CRISPLD2: variants seen among roughly 807,000 people sequenced by gnomAD.
CRISPLD2 encodes the protein cysteine rich secretory protein LCCL domain containing 2.
A neutral mutation model predicts 71.1 loss-of-function variants in CRISPLD2; 47 were observed. The ratio of observed to expected loss-of-function variants is 0.66; its 90% CI spans 0.52 to 0.84. CRISPLD2 has a LOEUF of 0.84. Among genes scored for constraint, CRISPLD2 ranks in the 40% least tolerant of loss-of-function variants. The probability of loss-of-function intolerance (pLI) is 0.00; values close to 1 mark genes in which losing one functional copy is unlikely to be tolerated. For synonymous variants in CRISPLD2, 317 were observed against 250.1 expected, an observed-to-expected ratio of 1.27 and a Z score of -2.52; for missense variants, 830 against 651.1, an observed-to-expected ratio of 1.27 and a Z score of -2.99.
At chr16:84,885,423 A>G (rs1002064398) in intron 13 of CRISPLD2, among the ~76,000 whole-genome samples, 1 of 152,130 alleles carries the variant, frequency 6.6e-6, no homozygotes, top group Non-Finnish European at 1.5e-5. Context: ...CCAAAGGGGG[A>G]AAATGCGTCC....
chr16:84,848,336 A>G (rs1181711566), intron 3 of CRISPLD2, among the ~76,000 whole-genome samples: 2 of 152,110 alleles, frequency 1.3e-5, no homozygotes, highest in African/African-American at 4.8e-5. Context: ...CGACGACCAC[A>G]TGGCCCTTAA....
chr16:84,826,282 A>G (rs1472094070), intron 1 of CRISPLD2, among the ~76,000 whole-genome samples: 2 of 152,240 alleles, frequency 1.3e-5, no homozygotes, highest in African/African-American at 4.8e-5. Flanking sequence ...AGGCCCCTTA[A>G]GAACAAGTTG....
intron 14 of CRISPLD2, among the ~76,000 whole-genome samples, chr16:84,895,179 G>A (rs962452889): frequency 9.2e-5 from 14 of 152,196 alleles, no homozygotes; most frequent in African/African-American, 3.1e-4. Flanking sequence ...TATCAGTAAA[G>A]GAAGGGAAGC....
chr16:84,831,752 A>G (rs908420870), intron 1 of CRISPLD2, among the ~76,000 whole-genome samples: 13 of 151,902 alleles, frequency 8.6e-5, no homozygotes, highest in African/African-American at 2.4e-4. Context: ...CAAATTTTTT[A>G]TTTTTTGAGT....
chr16:84,826,311 T>C (rs1051988103), intron 1 of CRISPLD2, among the ~76,000 whole-genome samples: 5 of 152,246 alleles, frequency 3.3e-5, no homozygotes, highest in African/African-American at 1.2e-4. Context: ...TTTGGAAGGC[T>C]TTCTTCCAGA....
Position 84,873,132 on chromosome 16 carries a change from C to G in CRISPLD2, c.1112+10C>G, listed in dbSNP as rs1357182742. 5.0e-6 allele frequency: 8 copies of G among 1,608,820 alleles called. No individual in the cohort carries two copies. The highest frequency in any genetic ancestry group is 6.8e-6 in the Non-Finnish European group (8 of 1,178,030). ...GCGTGCAGTCCCTCAGGTAACTACT[C>G]TGTGATCGGGGCTCTGTGAAACGGT... On this transcript the variant is annotated intron_variant, in intron 10 of 14. Transcript: ENST00000262424.
chr16:84,899,735 A>G (rs2071737006), intron 14 of CRISPLD2, among the ~76,000 whole-genome samples: 1 of 152,186 alleles, frequency 6.6e-6, no homozygotes, highest in Admixed American at 6.5e-5. Context: ...CAAGATACCC[A>G]GGGCCCTTGG....
At chr16:84,827,854 G>A (rs1202218900) in intron 1 of CRISPLD2, among the ~76,000 whole-genome samples, 4 of 151,808 alleles carry the variant, frequency 2.6e-5, no homozygotes, top group African/African-American at 7.3e-5. Flanking sequence ...GGTGCGAGCC[G>A]CCGCACCGGG....
At chr16:84,873,506 C>CCAAAAA (rs2071491015) in intron 10 of CRISPLD2, 1 of 112,192 alleles carries the variant, frequency 8.9e-6, no homozygotes, top group African/African-American at 4.1e-5. Flanking sequence ...ACAACAACAA[C>CCAAAAA]AAAAAAAAAA....
chr16:84,876,627 T>C (rs2071520827), intron 11 of CRISPLD2, among the ~76,000 whole-genome samples: 1 of 152,080 alleles, frequency 6.6e-6, no homozygotes, highest in African/African-American at 2.4e-5. Flanking sequence ...ACCCTGTCTC[T>C]ACTGAAAATA....
intron 12 of CRISPLD2, among the ~76,000 whole-genome samples, chr16:84,879,030 G>C (rs1241712130): frequency 6.6e-6 from 1 of 152,180 alleles, no homozygotes; most frequent in East Asian, 1.9e-4. Context: ...AATAGGTGGT[G>C]ACCCCAAGGT....
chr16:84,885,284 GA>G (rs1255442640), intron 13 of CRISPLD2, among the ~76,000 whole-genome samples: 1 of 152,222 alleles, frequency 6.6e-6, no homozygotes, highest in Non-Finnish European at 1.5e-5. Context: ...GATTTTAGAG[GA>G]ATTCTGAAAT....
chr16:84,825,378 C>T (rs1647624467), intron 1 of CRISPLD2, among the ~76,000 whole-genome samples: 1 of 152,116 alleles, frequency 6.6e-6, no homozygotes, highest in Non-Finnish European at 1.5e-5. Context: ...GCTTGTGCAA[C>T]ATAGTGAGAT....
chr16:84,826,023 C>A (rs79322410), intron 1 of CRISPLD2, among the ~76,000 whole-genome samples: 1 of 151,650 alleles, frequency 6.6e-6, no homozygotes, highest in Admixed American at 6.6e-5. Flanking sequence ...GGTTTTCAGG[C>A]TTCCCTGGAG....
intron 6 of CRISPLD2, among the ~76,000 whole-genome samples, chr16:84,861,002 T>G (rs1411692932): frequency 6.6e-6 from 1 of 152,238 alleles, no homozygotes; most frequent in African/African-American, 2.4e-5. Flanking sequence ...AGCTTCATTA[T>G]GTTCCTTGGT....
rs1359070378 is a variant in CRISPLD2, at chr16:84,863,972, AAAAG to A, written c.710-2915_710-2912del. Among the ~76,000 whole-genome samples the A allele has an allele frequency of 5.0e-3, 740 of 148,622 alleles. 1 individual carries two copies. The highest frequency in any genetic ancestry group is 7.4e-3 in the Non-Finnish European group (496 of 67,362). Reference sequence around the variant, plus strand: ...AACTTCCTCTCAAAAAAAAAAAAAAAAAAGAAAGAAAGAGAGAGAGAAAAAAAAA... The same window carrying A: ...AACTTCCTCTCAAAAAAAAAAAAAAAAAAGAAAGAGAGAGAGAAAAAAAAA... On this transcript the variant is annotated intron_variant, in intron 6 of 14. Transcript: ENST00000262424.
chr16:84,824,906 C>T (rs993068666), intron 1 of CRISPLD2, among the ~76,000 whole-genome samples: 1 of 151,332 alleles, frequency 6.6e-6, no homozygotes, highest in African/African-American at 2.4e-5. Flanking sequence ...GAGTTTGAGA[C>T]CAGCCTGACC....
At position 84,907,169 on chromosome 16, in the gene CRISPLD2, G is replaced by A. The variant is rs1014531895; in HGVS notation, c.*527G>A. ...ATAGAGGAAAATGGTTTTAATGTTT[G>A]CTGGTCAGACAGACAAATGGGCTAG... On this transcript the variant is annotated 3_prime_UTR_variant, in exon 15 of 15. Coordinates refer to ENST00000262424, the MANE Select transcript of CRISPLD2 (RefSeq NM_031476.4). 2 of 170,356 alleles carry A rather than the reference G, an allele frequency of 1.2e-5. No individual in the cohort carries two copies. The highest frequency in any genetic ancestry group is 4.8e-5 in the African/African-American group (2 of 41,556). 10.6% of individuals were successfully genotyped at this position (170,356 alleles called of 1,614,324 possible).
intron 7 of CRISPLD2, 141 bp downstream of exon 7, chr16:84,867,181 G>A: frequency 1.3e-6 from 1 of 796,032 alleles, no homozygotes; most frequent in Non-Finnish European, 2.0e-6. Context: ...AGCTCATGGA[G>A]GCACAACCAT....
Sources: allele counts gnomAD v4.1 joint callset (sites outside exome capture counted in the v4.1 genomes callset), GRCh38; gene constraint gnomAD v4.1.1; transcripts MANE v1.5; gene names NCBI Gene and HGNC (gene_info 2026-07-23, HGNC 2026-07-21).